Variants in CDC42BPA observed in about 807,000 individuals in gnomAD.
CDC42BPA encodes the protein serine/threonine-protein kinase MRCK alpha.
In CDC42BPA, 80 loss-of-function variants were observed where a neutral mutation model predicts 223.5. The observed-to-expected ratio is 0.36, with a 90% CI of 0.30 to 0.43. The LOEUF (loss-of-function observed/expected upper bound fraction) is 0.43, where lower values mean the gene tolerates loss of function less well. Ranked by LOEUF, CDC42BPA falls within the 20% of genes least tolerant of loss-of-function variation. CDC42BPA has a pLI of 1.00. For missense variants in CDC42BPA, 1,743 were observed against 2,099.9 expected, an observed-to-expected ratio of 0.83 and a Z score of 3.32; for synonymous variants, 694 against 718.6, an observed-to-expected ratio of 0.97 and a Z score of 0.55.
At chr1:227,165,134 A>G (rs905026079) in intron 5 of CDC42BPA, among the ~76,000 whole-genome samples, 1 of 152,234 alleles carries the variant, frequency 6.6e-6, no homozygotes, top group African/African-American at 2.4e-5. Context: ...TTATTCCCTC[A>G]TCACCCCAAA....
chr1:227,244,017 T>TAAA (rs78926711), intron 2 of CDC42BPA, among the ~76,000 whole-genome samples: 1 of 128,594 alleles, frequency 7.8e-6, no homozygotes, highest in East Asian at 2.2e-4. Flanking sequence ...AAAACTAAAG[T>TAAA]AAAAAAAAAA....
rs115150854 is a variant in CDC42BPA at position 227,216,049 on chromosome 1, C to T, written c.271-2830G>A. Among the ~76,000 whole-genome samples, 634 of 152,014 alleles carry T rather than the reference C, an allele frequency of 4.2e-3. 6 individuals carry two copies. The highest frequency in any genetic ancestry group is 0.015 in the African/African-American group (606 of 41,450). Reference sequence around the variant, plus strand: ...AAAAAATTACTGAGGAATGTTAATACGGAAAAGTTCACAGTATAATGTTAA... The same window carrying T: ...AAAAAATTACTGAGGAATGTTAATATGGAAAAGTTCACAGTATAATGTTAA... On this transcript the variant is annotated intron_variant, in intron 2 of 36. Transcript: ENST00000366766.
chr1:227,132,360 T>C (rs950625911), intron 10 of CDC42BPA, among the ~76,000 whole-genome samples: 2 of 152,060 alleles, frequency 1.3e-5, no homozygotes, highest in Admixed American at 6.5e-5. Flanking sequence ...CTCCAGCTCC[T>C]AACCGCGAGT....
chr1:227,079,790 A>G (rs1680247126), intron 17 of CDC42BPA, among the ~76,000 whole-genome samples: 1 of 152,066 alleles, frequency 6.6e-6, no homozygotes, highest in Non-Finnish European at 1.5e-5. Context: ...ATCTATAAAT[A>G]TATGATGAAA....
chr1:227,119,443 A>G (rs1688284583), intron 12 of CDC42BPA, among the ~76,000 whole-genome samples: 1 of 152,096 alleles, frequency 6.6e-6, no homozygotes, highest in Non-Finnish European at 1.5e-5. Context: ...TGTTCATATC[A>G]GTAAGTTATA....
intron 34 of CDC42BPA, among the ~76,000 whole-genome samples, chr1:227,006,936 G>A (rs1171601865): frequency 7.8e-6 from 1 of 128,126 alleles, no homozygotes; most frequent in Non-Finnish European, 1.7e-5. Flanking sequence ...ACTCTGCAGA[G>A]TGAGACTCCG....
intron 34 of CDC42BPA, among the ~76,000 whole-genome samples, chr1:227,005,981 G>A (rs1183830821): frequency 6.6e-6 from 1 of 152,212 alleles, no homozygotes; most frequent in Non-Finnish European, 1.5e-5. Flanking sequence ...ATCTTTTTCA[G>A]ACCAGGAGGA....
rs1272693940 is a variant in CDC42BPA, at chr1:227,105,877, C to A, written c.2002-4638G>T. Among the ~76,000 whole-genome samples the A allele has an allele frequency of 5.3e-5, 8 of 152,110 alleles. No homozygotes were observed. The East Asian group carries it at 1.5e-3, about 29-fold the overall frequency. ...CACTTGGATTGTTTCCACCTTTTGG[C>A]TACTGCAATAATACTTCAATAAACA... On this transcript the variant is annotated intron_variant, in intron 14 of 36. Transcript: ENST00000366766.
intron 2 of CDC42BPA, among the ~76,000 whole-genome samples, chr1:227,243,500 AACAC>A (rs1020983085): frequency 2.6e-5 from 4 of 152,176 alleles, no homozygotes; most frequent in African/African-American, 9.7e-5. Context: ...TACCTCAGAA[AACAC>A]AAAACAGTCA....
chr1:227,208,296 T>G (rs983865800), intron 3 of CDC42BPA, among the ~76,000 whole-genome samples: 1 of 148,894 alleles, frequency 6.7e-6, no homozygotes, highest in African/African-American at 2.5e-5. Context: ...GTTCTCCCAT[T>G]TTGTAGGTTG....
intron 1 of CDC42BPA, among the ~76,000 whole-genome samples, chr1:227,267,034 A>T (rs1463579295): frequency 1.3e-5 from 2 of 152,212 alleles, no homozygotes; most frequent in Admixed American, 1.3e-4. Context: ...AGGCATAAAG[A>T]AGTAAAGCTT....
intron 1 of CDC42BPA, chr1:227,264,834 C>T: frequency 1.3e-6 from 2 of 1,504,334 alleles, no homozygotes; most frequent in Admixed American, 1.7e-5. Context: ...ATTGTGTATG[C>T]CACTGTAATT....
At chr1:227,199,105 T>G (rs982904032) in intron 4 of CDC42BPA, among the ~76,000 whole-genome samples, 2 of 152,172 alleles carry the variant, frequency 1.3e-5, no homozygotes, top group African/African-American at 4.8e-5. Flanking sequence ...GTGTTAGTTA[T>G]GTAATAAAAA....
chr1:227,191,141 C>T (rs12095674), intron 5 of CDC42BPA, among the ~76,000 whole-genome samples: 25,829 of 151,730 alleles, frequency 0.17, 2,246 homozygotes, highest in Middle Eastern at 0.2. Flanking sequence ...GTAGGGAGTT[C>T]GAGACCAACC....
chr1:227,318,090 G>C lies in CDC42BPA; in HGVS notation c.-908C>G. On this transcript the variant is annotated 5_prime_UTR_variant, in exon 1 of 37. Coordinates refer to ENST00000366766, the MANE Select transcript of CDC42BPA (RefSeq NM_001394014.1). ...GAGCCGCGCCGCGCCGCGCCGGGCA[G>C]AGAGCCCGGTCTCCCCGACACCCGC... 2 of 224,868 alleles carry C rather than the reference G, an allele frequency of 8.9e-6. No individual in the cohort carries two copies. The highest frequency in any genetic ancestry group is 1.6e-5 in the Non-Finnish European group (2 of 123,932). 13.9% of individuals were successfully genotyped at this position (224,868 alleles called of 1,614,324 possible).
chr1:226,992,802 C>T lies in CDC42BPA; in HGVS notation c.*1466G>A, dbSNP rs1481716564. ...GTGAAATGATTCTGTAGAAATAGATCCTTCTGATTCTGCATCTCATTTCCT... is the reference window on the plus strand; with the variant it reads ...GTGAAATGATTCTGTAGAAATAGATTCTTCTGATTCTGCATCTCATTTCCT... On this transcript the variant is annotated 3_prime_UTR_variant, in exon 37 of 37. Coordinates refer to ENST00000366766, the MANE Select transcript of CDC42BPA (RefSeq NM_001394014.1). 1 of 152,144 alleles carries T rather than the reference C, an allele frequency of 6.6e-6. No individual in the cohort carries two copies. The highest frequency in any genetic ancestry group is 1.5e-5 in the Non-Finnish European group (1 of 68,028). The allele number at this position is 152,144 out of a possible 1,614,324, so 9.4% of individuals were successfully genotyped here.
intron 32 of CDC42BPA, among the ~76,000 whole-genome samples, chr1:227,022,080 C>T (rs1447014747): frequency 6.6e-6 from 1 of 151,822 alleles, no homozygotes; most frequent in African/African-American, 2.4e-5. Flanking sequence ...TGGGTCTAAA[C>T]ATTTTAATGT....
At chr1:227,139,337 C>G (rs1659248945) in intron 10 of CDC42BPA, among the ~76,000 whole-genome samples, 1 of 152,122 alleles carries the variant, frequency 6.6e-6, no homozygotes, top group South Asian at 2.1e-4. Context: ...TATTCCCACA[C>G]ATTTTTATAA....
intron 21 of CDC42BPA, chr1:227,059,403 T>A (rs778651403): frequency 6.4e-7 from 1 of 1,563,386 alleles, no homozygotes; most frequent in Non-Finnish European, 8.7e-7. Context: ...GAGTACAGGA[T>A]GGAGAGCGCT....
Sources: allele counts gnomAD v4.1 joint callset (sites outside exome capture counted in the v4.1 genomes callset), GRCh38; gene constraint gnomAD v4.1.1; transcripts MANE v1.5; gene names NCBI Gene and HGNC (gene_info 2026-07-23, HGNC 2026-07-21).